The following STPG4 variants were observed in gnomAD, a reference collection of about 807,000 sequenced individuals.
STPG4 encodes protein STPG4.
In STPG4, 41 loss-of-function variants were observed where a neutral mutation model predicts 31.5. The ratio of observed to expected loss-of-function variants is 1.30; its 90% CI spans 1.01 to 1.69. STPG4 has a LOEUF of 1.69. Ranked by LOEUF, STPG4 falls within the 40% of genes most tolerant of loss-of-function variation. The pLI is 0.00. For missense variants in STPG4, 375 were observed against 293.4 expected (o/e 1.28, Z -2.03); for synonymous variants, 141 against 103.0 (o/e 1.37, Z -2.24).
intron 5 of STPG4, among the ~76,000 whole-genome samples, chr2:47,093,513 A>T (rs1355606246): frequency 6.6e-6 from 1 of 152,212 alleles, no homozygotes; most frequent in African/African-American, 2.4e-5. Context: ...GATGATGCTG[A>T]GTGTGCGACC....
intron 4 of STPG4, 29 bp downstream of exon 4, chr2:47,130,167 G>A (rs1686447354): frequency 1.3e-6 from 2 of 1,594,172 alleles, no homozygotes; most frequent in African/African-American, 2.7e-5. Context: ...TAAACAGAAA[G>A]GCAGCTTATT....
intron 3 of STPG4, among the ~76,000 whole-genome samples, chr2:47,130,469 C>A (rs1160893824): frequency 6.6e-6 from 1 of 152,174 alleles, no homozygotes; most frequent in Non-Finnish European, 1.5e-5. Context: ...ATTTTATAGA[C>A]AGCATACCTG....
intron 5 of STPG4, among the ~76,000 whole-genome samples, chr2:47,095,948 G>A (rs907853440): frequency 1.3e-5 from 2 of 152,172 alleles, no homozygotes; most frequent in Non-Finnish European, 2.9e-5. Flanking sequence ...CTGGGACCAT[G>A]AGGATGGAAG....
chr2:47,098,252 C>T (rs76022965), intron 5 of STPG4, among the ~76,000 whole-genome samples: 1 of 152,230 alleles, frequency 6.6e-6, no homozygotes, highest in Non-Finnish European at 1.5e-5. Context: ...CAGCTCCCCA[C>T]AGACCGGAGA....
At chr2:47,119,648 T>C (rs1281531941) in intron 5 of STPG4, among the ~76,000 whole-genome samples, 1 of 150,278 alleles carries the variant, frequency 6.7e-6, no homozygotes, top group Non-Finnish European at 1.5e-5. Context: ...TTTATCTCCA[T>C]TCTTTTCCCA....
chr2:47,108,951 G>T (rs972448134), intron 5 of STPG4: 2 of 152,386 alleles, frequency 1.3e-5, no homozygotes, highest in Admixed American at 1.3e-4. Flanking sequence ...TGCAAAGTAG[G>T]AGAGAGATGA....
intron 5 of STPG4, among the ~76,000 whole-genome samples, chr2:47,112,918 G>T (rs1157069009): frequency 6.7e-6 from 1 of 150,184 alleles, no homozygotes; most frequent in African/African-American, 2.5e-5. Flanking sequence ...CTTGAGCCCG[G>T]GAGGTGGAGC....
chr2:47,129,281 C>A (rs943881094), intron 5 of STPG4: 3 of 152,348 alleles, frequency 2.0e-5, no homozygotes, highest in African/African-American at 4.8e-5. Context: ...CCTTTGGCTG[C>A]CCCAGCTGGT....
intron 5 of STPG4, among the ~76,000 whole-genome samples, chr2:47,103,540 G>A (rs1685842894): frequency 6.6e-6 from 1 of 151,950 alleles, no homozygotes; most frequent in Admixed American, 6.6e-5. Flanking sequence ...CCCTCAGACA[G>A]ACAAACCTTG....
chr2:47,122,821 GTTTTGT>G (rs554810897), intron 5 of STPG4, among the ~76,000 whole-genome samples: 16 of 150,032 alleles, frequency 1.1e-4, no homozygotes, highest in African/African-American at 3.2e-4. Context: ...TTGTCTGTTT[GTTTTGT>G]TTTTGTTTTT....
intron 3 of STPG4, among the ~76,000 whole-genome samples, chr2:47,146,644 T>C (rs1686826219): frequency 6.6e-6 from 1 of 151,382 alleles, no homozygotes; most frequent in Non-Finnish European, 1.5e-5. Flanking sequence ...AATTTGGTAA[T>C]CACCAACAAA....
At chr2:47,134,190 C>T (rs192584432) in intron 3 of STPG4, among the ~76,000 whole-genome samples, 2 of 152,250 alleles carry the variant, frequency 1.3e-5, no homozygotes, top group African/African-American at 2.4e-5. Flanking sequence ...AAGGTACAGA[C>T]GAACCTACAC....
rs912193156 is a variant in STPG4 at position 47,155,046 on chromosome 2, G to C, written c.81+125C>G. 25 of 811,316 alleles carry C rather than the reference G, an allele frequency of 3.1e-5. No homozygotes were observed. The African/African-American group carries it at 4.2e-4, about 14-fold the overall frequency. The allele number at this position is 811,316 out of a possible 1,614,324, so 50.3% of individuals were successfully genotyped here. On this transcript the variant is annotated intron_variant, in intron 1 of 6. Transcript: ENST00000445927. The stretch of plus-strand genomic sequence containing the variant: ...AGGTGGAGACGTGCGTGAGGGCAGG[G>C]AGAGAAGGGTAGGAAGAGGGAACGA...
At chr2:47,126,404 C>G (rs1334823860) in intron 5 of STPG4, among the ~76,000 whole-genome samples, 1 of 152,080 alleles carries the variant, frequency 6.6e-6, no homozygotes, top group East Asian at 1.9e-4. Flanking sequence ...TGGCTCACTG[C>G]AGCCTTGACC....
At chr2:47,126,843 T>C (rs1686376335) in intron 5 of STPG4, among the ~76,000 whole-genome samples, 1 of 152,166 alleles carries the variant, frequency 6.6e-6, no homozygotes. Flanking sequence ...TGCCACTCAC[T>C]CCTGGTCTAT....
chr2:47,097,977 C>G (rs1410408285), intron 5 of STPG4, among the ~76,000 whole-genome samples: 1 of 149,876 alleles, frequency 6.7e-6, no homozygotes, highest in Non-Finnish European at 1.5e-5. Context: ...AAAAAATGCA[C>G]TGAGGGACCT....
chr2:47,099,553 G>A (rs1005809541), intron 5 of STPG4, among the ~76,000 whole-genome samples: 2 of 152,286 alleles, frequency 1.3e-5, no homozygotes, highest in African/African-American at 4.8e-5. Flanking sequence ...CTATTTTTGA[G>A]AGGTGACAGC....
intron 5 of STPG4, among the ~76,000 whole-genome samples, chr2:47,118,312 T>G (rs1686193134): frequency 6.6e-6 from 1 of 152,152 alleles, no homozygotes; most frequent in African/African-American, 2.4e-5. Context: ...GGGATCTAGG[T>G]TGTGCACTCC....
chr2:47,144,784 G>A (rs1686784085), intron 3 of STPG4, among the ~76,000 whole-genome samples: 1 of 152,134 alleles, frequency 6.6e-6, no homozygotes, highest in Admixed American at 6.5e-5. Context: ...AGGCTGGAGT[G>A]CAGTGGCGCA....
Sources: allele counts gnomAD v4.1 joint callset (sites outside exome capture counted in the v4.1 genomes callset), GRCh38; gene constraint gnomAD v4.1.1; transcripts MANE v1.5; gene names NCBI Gene and HGNC (gene_info 2026-07-23, HGNC 2026-07-21).